MYO10: variants seen among roughly 807,000 people sequenced by gnomAD.
The protein encoded by MYO10 is unconventional myosin-X.
MYO10 carries 133 observed loss-of-function variants against 257.3 expected under a neutral mutation model. The observed-to-expected ratio is 0.52, with a 90% CI of 0.45 to 0.60. The LOEUF (loss-of-function observed/expected upper bound fraction) is 0.60. MYO10 is among the 20% of genes least tolerant of loss of function. The probability of loss-of-function intolerance (pLI) is 0.00; values close to 1 mark genes in which losing one functional copy is unlikely to be tolerated. For synonymous variants in MYO10, 1,104 were observed against 1,028.6 expected (o/e 1.07, Z -1.40); for missense variants, 2,399 against 2,635.7 (o/e 0.91, Z 1.97).
Position 16,668,606 on chromosome 5 carries a change from G to T in MYO10, c.5884-138C>A, listed in dbSNP as rs1436053172. 6.7e-6 allele frequency: 4 copies of T among 595,778 alleles called. No homozygotes were observed. In the African/African-American group the frequency reaches 7.5e-5, roughly 11 times the overall value. 36.9% of individuals were successfully genotyped at this position (595,778 alleles called of 1,614,324 possible). ...ATTCGATGTGCATGCATGCATGGAGGGGCCTGAAATATGAAAAATGGCACC... is the reference window on the plus strand; with the variant it reads ...ATTCGATGTGCATGCATGCATGGAGTGGCCTGAAATATGAAAAATGGCACC... On this transcript the variant is annotated intron_variant, in intron 39 of 40. Transcript: ENST00000513610.
intron 28 of MYO10, among the ~76,000 whole-genome samples, chr5:16,687,531 C>T (rs1351883180): frequency 1.3e-5 from 2 of 151,326 alleles, no homozygotes; most frequent in African/African-American, 4.9e-5. Flanking sequence ...TATATATACT[C>T]CTACTGTTTA....
intron 23 of MYO10, 148 bp downstream of exon 23, chr5:16,702,776 AG>A (rs1738143260): frequency 2.1e-6 from 2 of 934,916 alleles, no homozygotes; most frequent in African/African-American, 1.7e-5. Context: ...AATGCTGCCA[AG>A]GAATTTTATA....
chr5:16,788,687 G>A (rs748058143), intron 4 of MYO10, among the ~76,000 whole-genome samples: 27 of 152,044 alleles, frequency 1.8e-4, no homozygotes, highest in Non-Finnish European at 2.8e-4. Context: ...AGAAGAAAAC[G>A]CAGGTGGGTG....
chr5:16,793,477 C>A (rs886572210), intron 4 of MYO10, among the ~76,000 whole-genome samples: 12 of 152,174 alleles, frequency 7.9e-5, no homozygotes, highest in South Asian at 4.2e-4. Context: ...GCATGAGCCA[C>A]CGCGCCTGGC....
At chr5:16,676,582 G>T (rs1736733584) in intron 33 of MYO10, among the ~76,000 whole-genome samples, 1 of 152,172 alleles carries the variant, frequency 6.6e-6, no homozygotes. Flanking sequence ...GGGTGTGGTG[G>T]CTGAGTAGCT....
intron 18 of MYO10, 88 bp from the exon 19 acceptor site, chr5:16,754,996 TA>T (rs1740486476): frequency 1.3e-6 from 1 of 773,910 alleles, no homozygotes; most frequent in Admixed American, 2.9e-5. Flanking sequence ...AACAATAATT[TA>T]AAAAACACAA....
At chr5:16,817,188 T>C (rs998325095) in intron 3 of MYO10, among the ~76,000 whole-genome samples, 1 of 152,184 alleles carries the variant, frequency 6.6e-6, no homozygotes, top group African/African-American at 2.4e-5. Flanking sequence ...AGAATAAAAA[T>C]GACTAAAAGA....
At chr5:16,893,198 A>AAC (rs1308756655) in intron 1 of MYO10, among the ~76,000 whole-genome samples, 2 of 144,922 alleles carry the variant, frequency 1.4e-5, no homozygotes, top group South Asian at 2.1e-4. Context: ...CTCTGTCTCA[A>AAC]AAAAAAAAAA....
intron 4 of MYO10, among the ~76,000 whole-genome samples, chr5:16,785,607 C>T (rs190615442): frequency 1.5e-3 from 230 of 152,304 alleles, no homozygotes; most frequent in Non-Finnish European, 2.4e-3. Context: ...CTGTGGCTTG[C>T]GCCTGTAATC....
chr5:16,899,859 G>C (rs868087631), intron 1 of MYO10, among the ~76,000 whole-genome samples: 92 of 152,074 alleles, frequency 6.0e-4, no homozygotes, highest in African/African-American at 2.2e-3. Context: ...TTAGCCAAGA[G>C]AGGTGGTGGG....
intron 3 of MYO10, among the ~76,000 whole-genome samples, chr5:16,805,133 C>T (rs1411989648): frequency 6.6e-6 from 1 of 151,898 alleles, no homozygotes; most frequent in Non-Finnish European, 1.5e-5. Flanking sequence ...AAAGAGCTAG[C>T]TTGTTAAGTG....
intron 19 of MYO10, among the ~76,000 whole-genome samples, chr5:16,712,758 G>A (rs1738677942): frequency 6.6e-6 from 1 of 152,204 alleles, no homozygotes; most frequent in Admixed American, 6.5e-5. Context: ...TACAAACACT[G>A]TGGTCAAATT....
rs746699811 is a variant in MYO10 at position 16,662,101 on chromosome 5, C to A, written c.*4591G>T. The A allele has an allele frequency of 2.0e-5, 3 of 152,136 alleles. No individual in the cohort carries two copies. The highest frequency in any genetic ancestry group is 4.4e-5 in the Non-Finnish European group (3 of 68,022). The allele number at this position is 152,136 out of a possible 1,614,324, so 9.4% of individuals were successfully genotyped here. On this transcript the variant is annotated 3_prime_UTR_variant, in exon 41 of 41. Transcript: ENST00000513610. ...ACTGAATGAAACAGTTATAAATGTA[C>A]TGGCTAAATTTAGCTTTATGCACTT...
At chr5:16,787,894 G>A (rs1215097531) in intron 4 of MYO10, among the ~76,000 whole-genome samples, 1 of 152,084 alleles carries the variant, frequency 6.6e-6, no homozygotes, top group Non-Finnish European at 1.5e-5. Context: ...ACCTCCCCAG[G>A]TTCAAGCGAT....
intron 2 of MYO10, among the ~76,000 whole-genome samples, chr5:16,855,112 C>T (rs187661787): frequency 1.1e-3 from 161 of 152,174 alleles, no homozygotes; most frequent in African/African-American, 3.5e-3. Context: ...CGAATCAAAT[C>T]CTAGGTGCTA....
At chr5:16,778,797 T>C (rs969940692) in intron 9 of MYO10, among the ~76,000 whole-genome samples, 1 of 150,158 alleles carries the variant, frequency 6.7e-6, no homozygotes, top group African/African-American at 2.5e-5. Context: ...TTCACGCCAT[T>C]CTCCTGCCTC....
At chr5:16,711,541 C>T (rs1017156274) in intron 19 of MYO10, among the ~76,000 whole-genome samples, 3 of 152,158 alleles carry the variant, frequency 2.0e-5, no homozygotes, top group Non-Finnish European at 4.4e-5. Flanking sequence ...CCCAGCACTT[C>T]GGGAGGCCGA....
At chr5:16,776,687 T>A (rs1741222337) in intron 9 of MYO10, among the ~76,000 whole-genome samples, 2 of 152,190 alleles carry the variant, frequency 1.3e-5, no homozygotes. Flanking sequence ...GGAAGCCAAG[T>A]TCCAAAAGTT....
In MYO10 at chr5:16,700,970, T is replaced by A; in HGVS notation, c.3425A>T (p.Gln1142Leu). 6.4e-7 allele frequency: 1 copy of A among 1,553,290 alleles called. No homozygotes were observed. Among genetic ancestry groups the A allele is most frequent in the South Asian group, 1.2e-5 (1 of 84,028 alleles). Residue 1142 changes from glutamine to leucine, a missense_variant, in exon 25 of 41, where the codon CAG (glutamine) becomes CTG (leucine). Transcript: ENST00000513610. ...GAYRFSSEGA[Q>L]SSFEDSEEDF... ...CGCCAGGCAGGTACTTACCGAGGAC[T>A]GCGCCCCCTCAGAGCTGAACCGGTA...
Sources: allele counts gnomAD v4.1 joint callset (sites outside exome capture counted in the v4.1 genomes callset), GRCh38; gene constraint gnomAD v4.1.1; transcripts MANE v1.5; gene names NCBI Gene and HGNC (gene_info 2026-07-23, HGNC 2026-07-21).